SIGLEC12: variants seen among roughly 807,000 people sequenced by gnomAD.
SIGLEC12 encodes sialic acid binding Ig like lectin 12, also known as sialic acid-binding Ig-like lectin 12.
A neutral mutation model predicts 54.1 loss-of-function variants in SIGLEC12; 43 were observed. The ratio of observed to expected loss-of-function variants is 0.80; its 90% CI spans 0.62 to 1.03. The LOEUF (loss-of-function observed/expected upper bound fraction) is 1.03. Ranked by LOEUF, SIGLEC12 falls within the 50% of genes least tolerant of loss-of-function variation. The pLI, the probability that SIGLEC12 is intolerant of heterozygous loss-of-function variation, is 0.00. For missense variants in SIGLEC12, 802 were observed against 735.2 expected, an observed-to-expected ratio of 1.09 and a Z score of -1.05; for synonymous variants, 357 against 307.6, an observed-to-expected ratio of 1.16 and a Z score of -1.68.
rs558999579 is a variant in SIGLEC12 at position 51,491,408 on chromosome 19, A to G, written c.*233T>C. 1 of 523,934 alleles carries G rather than the reference A, an allele frequency of 1.9e-6. No individual in the cohort carries two copies. The highest frequency in any genetic ancestry group is 2.3e-5 in the South Asian group (1 of 44,272). 32.5% of individuals were successfully genotyped at this position (523,934 alleles called of 1,614,324 possible). ...GAACCTAAAATAGTCGACCTCAGAG[A>G]AGTAGAGAAGAGAATGGTGGGTACC... is the stretch of plus-strand genomic sequence containing the variant. On this transcript the variant is annotated 3_prime_UTR_variant, in exon 8 of 8. Transcript: ENST00000291707.
Position 51,498,281 on chromosome 19 carries a change from G to T in SIGLEC12, c.1142C>A (p.Thr381Lys), listed in dbSNP as rs1182984105. The change falls in exon 5 of 8, where the codon ACA (threonine) becomes AAA (lysine). Residue 381 changes from threonine to lysine, a missense_variant. Coordinates refer to ENST00000291707, the MANE Select transcript of SIGLEC12 (RefSeq NM_053003.4). Reference protein sequence around the residue: ...TVFQGDGTASTTLRNGSALSV... With the variant: ...TVFQGDGTASKTLRNGSALSV... Reference sequence around the variant, plus strand: ...AAGGGCCGAGCCATTCCTCAAGGTTGTGGATGCTGTAGAGAAAGAGACAGA... The same window carrying T: ...AAGGGCCGAGCCATTCCTCAAGGTTTTGGATGCTGTAGAGAAAGAGACAGA... 18 of 1,604,020 alleles carry T rather than the reference G, an allele frequency of 1.1e-5. No homozygotes were observed. The highest frequency in any genetic ancestry group is 6.7e-5 in the Admixed American group (4 of 59,380).
chr19:51,497,917 G>A lies in SIGLEC12; in HGVS notation c.1405+101C>T, dbSNP rs1468976811. 28 of 1,502,600 alleles carry A rather than the reference G, an allele frequency of 1.9e-5. No individual in the cohort carries two copies. The South Asian group carries it at 2.7e-4, about 14-fold the overall frequency. 93.1% of individuals were successfully genotyped at this position (1,502,600 alleles called of 1,614,324 possible). On this transcript the variant is annotated intron_variant, in intron 5 of 7. Coordinates refer to ENST00000291707, the MANE Select transcript of SIGLEC12 (RefSeq NM_053003.4). ...CCGCACTCACTGCTTGGCAGCAAGA[G>A]GACTGTGATGCTGTGGGTTGCAGGG...
At chr19:51,495,515 GGTTGGAT>G (rs1990221214) in intron 7 of SIGLEC12, among the ~76,000 whole-genome samples, 1 of 152,148 alleles carries the variant, frequency 6.6e-6, no homozygotes, top group African/African-American at 2.4e-5. Context: ...ATGGATGAAT[GGTTGGAT>G]GAATAAACAA....
chr19:51,491,351 G>T lies in SIGLEC12; in HGVS notation c.*290C>A. The T allele has an allele frequency of 2.7e-6, 1 of 369,046 alleles. No homozygotes were observed. Among genetic ancestry groups the T allele is most frequent in the Non-Finnish European group, 5.0e-6 (1 of 201,786 alleles). 22.9% of individuals were successfully genotyped at this position (369,046 alleles called of 1,614,324 possible). A position where few individuals can be genotyped will look rare whatever the true frequency, so the allele number is the denominator to read the frequency against. ...TTGAGTGAAATAAGCCAGGTACAGA[G>T]AGACAAACACTCTACGATCTCACTA... is the stretch of plus-strand genomic sequence containing the variant. On this transcript the variant is annotated 3_prime_UTR_variant, in exon 8 of 8. Coordinates refer to ENST00000291707, the MANE Select transcript of SIGLEC12 (RefSeq NM_053003.4).
chr19:51,492,636 C>G (rs1990137014), intron 7 of SIGLEC12, among the ~76,000 whole-genome samples: 1 of 152,070 alleles, frequency 6.6e-6, no homozygotes, highest in Non-Finnish European at 1.5e-5. Context: ...TCACAGGGGT[C>G]CTTACAAGTA....
chr19:51,498,238 C>T lies in SIGLEC12; in HGVS notation c.1185G>A (p.Gln395=), dbSNP rs761394345. 39 of 1,613,820 alleles carry T rather than the reference C, an allele frequency of 2.4e-5. No homozygotes were observed. Among genetic ancestry groups the T allele is most frequent in the Non-Finnish European group, 3.2e-5 (38 of 1,179,898 alleles). Reference sequence around the variant, plus strand: ...CGACAGCACAGACAAGGTGCAGGGACTGGCCCTCCAGGACTGAAAGGGCCG... The same window carrying T: ...CGACAGCACAGACAAGGTGCAGGGATTGGCCCTCCAGGACTGAAAGGGCCG... ...NGSALSVLEG[Q]SLHLVCAVDS... is the part of the protein sequence containing the mutation. The change falls in exon 5 of 8, where the codon CAG becomes CAA. Residue 395 remains glutamine, a synonymous_variant. Coordinates refer to ENST00000291707, the MANE Select transcript of SIGLEC12 (RefSeq NM_053003.4).
intron 7 of SIGLEC12, among the ~76,000 whole-genome samples, chr19:51,494,220 A>G (rs1182337026): frequency 6.6e-6 from 1 of 152,238 alleles, no homozygotes; most frequent in Non-Finnish European, 1.5e-5. Context: ...ATACATCTGA[A>G]AAAAGTTTTA....
At position 51,491,542 on chromosome 19, in the gene SIGLEC12, G is replaced by A; in HGVS notation, c.*99C>T. 1 of 1,162,694 alleles carries A rather than the reference G, an allele frequency of 8.6e-7. No individual in the cohort carries two copies. Among genetic ancestry groups the A allele is most frequent in the Non-Finnish European group, 1.3e-6 (1 of 792,376 alleles). The allele number at this position is 1,162,694 out of a possible 1,614,324, so 72.0% of individuals were successfully genotyped here. A position where few individuals can be genotyped will look rare whatever the true frequency, so the allele number is the denominator to read the frequency against. ...GAGGAATAAGTTCTGATGTCCTGTT[G>A]CACAGCATGGAGGGCTGTTAATTCT... On this transcript the variant is annotated 3_prime_UTR_variant, in exon 8 of 8. Transcript: ENST00000291707.
intron 7 of SIGLEC12, among the ~76,000 whole-genome samples, chr19:51,496,442 G>A (rs1990241947): frequency 6.6e-6 from 1 of 152,100 alleles, no homozygotes; most frequent in African/African-American, 2.4e-5. Context: ...TTCAGCCTGG[G>A]CAACAAGATC....
chr19:51,499,606 T>A lies in SIGLEC12; in HGVS notation c.919A>T (p.Ile307Phe). ...GACACGGAGGCCCCCATCCAGGTGA[T>A]CGTGGGGGGCGTCCCCTGTTCACAG... Reference protein sequence around the residue: ...WACEQGTPPTITWMGASVSSL... With the variant: ...WACEQGTPPTFTWMGASVSSL... Residue 307 changes from isoleucine to phenylalanine, a missense_variant, in exon 3 of 8, where the codon ATC becomes TTC. By Grantham distance (21) the Ile-to-Phe change is conservative. Transcript: ENST00000291707. 6.2e-7 allele frequency: 1 copy of A among 1,613,138 alleles called. No homozygotes were observed. The highest frequency in any genetic ancestry group is 8.5e-7 in the Non-Finnish European group (1 of 1,179,614).
At chr19:51,495,313 GTGGA>G (rs61412717) in intron 7 of SIGLEC12, among the ~76,000 whole-genome samples, 757 of 60,410 alleles carry the variant, frequency 0.013, 31 homozygotes, top group African/African-American at 0.02. Flanking sequence ...GGACGGGTGG[GTGGA>G]TGGATGGATG....
rs1402174771 is a variant in SIGLEC12 at position 51,501,554 on chromosome 19, A to G, written c.180T>C (p.His60=). ...GGTCCCCTGCCCGGAACCAGTAGCCATGAACTGGATCGGAGGCAGTCCAGC... is the reference window on the plus strand; with the variant it reads ...GGTCCCCTGCCCGGAACCAGTAGCCGTGAACTGGATCGGAGGCAGTCCAGC... ...QNGWTASDPV[H]GYWFRAGDHV... is the part of the protein sequence containing the mutation. The change falls in exon 1 of 8, where the codon CAT becomes CAC. Residue 60 remains histidine, a synonymous_variant. Coordinates refer to ENST00000291707, the MANE Select transcript of SIGLEC12 (RefSeq NM_053003.4). 9 of 1,613,776 alleles carry G rather than the reference A, an allele frequency of 5.6e-6. No homozygotes were observed. In the East Asian group the frequency reaches 1.8e-4, roughly 32 times the overall value.
Position 51,499,726 on chromosome 19 carries a change from A to G in SIGLEC12, c.809-10T>C. 1 of 1,613,192 alleles carries G rather than the reference A, an allele frequency of 6.2e-7. No homozygotes were observed. Among genetic ancestry groups the G allele is most frequent in the Non-Finnish European group, 8.5e-7 (1 of 1,179,608 alleles). The stretch of plus-strand genomic sequence containing the variant: ...GGCATGTGAGTCAGGGCTGGTGATG[A>G]AAGGGAGACAGGCAAAATGAGGGTG... On this transcript the variant is annotated splice_polypyrimidine_tract_variant and intron_variant, in intron 2 of 7. Transcript: ENST00000291707.
chr19:51,499,736 A>G lies in SIGLEC12; in HGVS notation c.809-20T>C. ...TCAGGGCTGGTGATGAAAGGGAGAC[A>G]GGCAAAATGAGGGTGTTGGGGTCTG... On this transcript the variant is annotated intron_variant, in intron 2 of 7. Transcript: ENST00000291707. The G allele has an allele frequency of 1.2e-6, 2 of 1,611,946 alleles. No homozygotes were observed. The highest frequency in any genetic ancestry group is 1.3e-5 in the African/African-American group (1 of 75,010).
In SIGLEC12 at chr19:51,500,277, A is replaced by G. The variant is rs771410045; in HGVS notation, c.451T>C (p.Tyr151His). 1.2e-6 allele frequency: 2 copies of G among 1,614,192 alleles called. No homozygotes were observed. Among genetic ancestry groups the G allele is most frequent in the Admixed American group, 3.3e-5 (2 of 60,022 alleles). ...ACCGACTCTGGCACCTCCAGCCTGT[A>G]TCTTGACAGTAGGTCCTGGGACGCT... Reference protein sequence around the residue: ...VTASQDLLSRYRLEVPESVTV... With the variant: ...VTASQDLLSRHRLEVPESVTV... The change falls in exon 2 of 8, where the codon TAC becomes CAC. Residue 151 changes from tyrosine (Y) to histidine (H), a missense_variant. Coordinates refer to ENST00000291707, the MANE Select transcript of SIGLEC12 (RefSeq NM_053003.4).
intron 7 of SIGLEC12, among the ~76,000 whole-genome samples, chr19:51,495,401 GTGGGTGGGTGGGTGGATGGA>G (rs1568529018): frequency 0.01 from 736 of 71,136 alleles, 106 homozygotes; most frequent in Middle Eastern, 0.019. Flanking sequence ...GGATGGATGG[GTGGGTGGGTGGGTGGATGGA>G]TGGATGGATG....
chr19:51,499,951 G>A lies in SIGLEC12; in HGVS notation c.777C>T (p.Tyr259=). The A allele has an allele frequency of 6.2e-7, 1 of 1,613,690 alleles. No homozygotes were observed. Among genetic ancestry groups the A allele is most frequent in the Non-Finnish European group, 8.5e-7 (1 of 1,179,762 alleles). Residue 259 remains tyrosine (Y), a synonymous_variant, in exon 2 of 8, where the codon TAC becomes TAT. Transcript: ENST00000291707. The part of the protein sequence containing the change: ...QVERGSRKWN[Y]IYDKLSVHVT... ...CATGCACAGAGAGCTTGTCATATAT[G>A]TAGTTCCATTTCCTGCTTCCTCTCT...
At chr19:51,500,603 C>T (rs912665008) in intron 1 of SIGLEC12, among the ~76,000 whole-genome samples, 2 of 152,094 alleles carry the variant, frequency 1.3e-5, no homozygotes. Flanking sequence ...GAGAAGAGAC[C>T]GTGTCCCGCC....
At chr19:51,499,031 T>C in intron 4 of SIGLEC12, 139 bp downstream of exon 4, 1 of 761,556 alleles carries the variant, frequency 1.3e-6, no homozygotes, top group Non-Finnish European at 2.2e-6. Flanking sequence ...GGTGCTCAGG[T>C]GGCCAAAAGG....
Sources: gnomAD v4.1 joint callset for allele counts (sites outside exome capture counted in the v4.1 genomes callset) on GRCh38, gnomAD v4.1.1 for gene constraint, MANE v1.5 for transcripts, NCBI Gene and HGNC (gene_info 2026-07-23, HGNC 2026-07-21) for gene names.